Variants in ERBB4 observed in about 807,000 individuals in gnomAD.
The protein encoded by ERBB4 is receptor tyrosine-protein kinase erbB-4.
A neutral mutation model predicts 158.0 loss-of-function variants in ERBB4; 42 were observed. The ratio of observed to expected loss-of-function variants is 0.27; its 90% CI spans 0.21 to 0.34. The LOEUF is 0.34. ERBB4 is among the 10% of genes least tolerant of loss of function. The pLI is 1.00. For missense variants in ERBB4, 1,333 were observed against 1,624.1 expected (o/e 0.82, Z 3.08); for synonymous variants, 583 against 558.7 (o/e 1.04, Z -0.61).
chr2:212,535,299 T>C (rs1342877426), intron 1 of ERBB4, among the ~76,000 whole-genome samples: 1 of 152,150 alleles, frequency 6.6e-6, no homozygotes, highest in Non-Finnish European at 1.5e-5. Context: ...TAGATGTGCT[T>C]ACAGTAAACA....
At chr2:212,142,790 T>C (rs769896072) in intron 1 of ERBB4, among the ~76,000 whole-genome samples, 1 of 151,822 alleles carries the variant, frequency 6.6e-6, no homozygotes, top group Admixed American at 6.6e-5. Context: ...CATGAAACTG[T>C]CCACCTTTAT....
At chr2:211,716,675 CAAA>C (rs1157945856) in intron 7 of ERBB4, among the ~76,000 whole-genome samples, 1 of 143,228 alleles carries the variant, frequency 7.0e-6, no homozygotes, top group African/African-American at 2.7e-5. Context: ...GACTCCGTCT[CAAA>C]AAACAACAAC....
At chr2:211,579,067 T>C (rs905878497) in intron 19 of ERBB4, among the ~76,000 whole-genome samples, 2 of 152,062 alleles carry the variant, frequency 1.3e-5, no homozygotes, top group Admixed American at 1.3e-4. Flanking sequence ...AAAGGTCGAA[T>C]ATCCAGAATC....
chr2:211,482,550 T>A (rs1167423216), intron 20 of ERBB4, among the ~76,000 whole-genome samples: 2 of 152,190 alleles, frequency 1.3e-5, no homozygotes, highest in Non-Finnish European at 2.9e-5. Flanking sequence ...GTAAGGTATC[T>A]TATCAAAGAT....
At chr2:211,816,540 C>CA (rs34323414) in intron 3 of ERBB4, among the ~76,000 whole-genome samples, 2,237 of 65,324 alleles carry the variant, frequency 0.034, 94 homozygotes, top group African/African-American at 0.069. Flanking sequence ...GAGCCCGTCT[C>CA]AAAAAAAAAA....
At chr2:212,296,980 C>T (rs2086437355) in intron 1 of ERBB4, among the ~76,000 whole-genome samples, 1 of 151,900 alleles carries the variant, frequency 6.6e-6, no homozygotes, top group Non-Finnish European at 1.5e-5. Context: ...ACTAATCCTT[C>T]TTCACTGTCC....
chr2:211,820,444 A>G (rs1441415434), intron 3 of ERBB4, among the ~76,000 whole-genome samples: 1 of 151,922 alleles, frequency 6.6e-6, no homozygotes, highest in Non-Finnish European at 1.5e-5. Flanking sequence ...TTAATAAAAT[A>G]TCTCCCAACA....
chr2:211,913,732 C>T (rs923990303), intron 3 of ERBB4, among the ~76,000 whole-genome samples: 16 of 150,566 alleles, frequency 1.1e-4, no homozygotes, highest in African/African-American at 3.2e-4. Context: ...TAGTGTCTAT[C>T]ACGTATGGGC....
intron 2 of ERBB4, among the ~76,000 whole-genome samples, chr2:211,966,868 C>T (rs996397412): frequency 6.6e-6 from 1 of 152,066 alleles, no homozygotes; most frequent in Admixed American, 6.6e-5. Context: ...AGTGTCATTA[C>T]TACCCAAGTT....
chr2:211,653,522 T>C (rs2071088913), intron 16 of ERBB4, among the ~76,000 whole-genome samples: 1 of 115,738 alleles, frequency 8.6e-6, no homozygotes, highest in Admixed American at 1.3e-4. Context: ...CAGAATACAA[T>C]ATAATGGGGT....
At chr2:211,957,601 G>C (rs187827242) in intron 2 of ERBB4, among the ~76,000 whole-genome samples, 2 of 152,016 alleles carry the variant, frequency 1.3e-5, no homozygotes, top group Admixed American at 1.3e-4. Flanking sequence ...GGGATGTTAA[G>C]GTCTCCAAAT....
chr2:212,503,069 T>A (rs1343417810), intron 1 of ERBB4, among the ~76,000 whole-genome samples: 1 of 152,188 alleles, frequency 6.6e-6, no homozygotes, highest in Non-Finnish European at 1.5e-5. Context: ...TTTCCCCCAT[T>A]TGGCCTCAGA....
intron 3 of ERBB4, among the ~76,000 whole-genome samples, chr2:211,841,019 A>C (rs1364131096): frequency 6.6e-6 from 1 of 152,090 alleles, no homozygotes. Flanking sequence ...AGATTAGTCA[A>C]TTCTGTTATA....
intron 1 of ERBB4, among the ~76,000 whole-genome samples, chr2:212,461,234 C>T (rs978936783): frequency 6.6e-6 from 1 of 152,142 alleles, no homozygotes; most frequent in East Asian, 1.9e-4. Flanking sequence ...ACGGCTTGCA[C>T]CATGTGCCTG....
chr2:211,861,129 T>TA lies in ERBB4; in HGVS notation c.422-72971dup, dbSNP rs1482496269. Among the ~76,000 whole-genome samples the TA allele has an allele frequency of 8.7e-3, 229 of 26,448 alleles. 14 individuals carry two copies. Among genetic ancestry groups the TA allele is most frequent in the Non-Finnish European group, 0.015 (193 of 13,090 alleles). The allele number at this position is 26,448 out of a possible 152,430, so 17.4% of individuals were successfully genotyped here. A position where few individuals can be genotyped will look rare whatever the true frequency, so the allele number is the denominator to read the frequency against. On this transcript the variant is annotated intron_variant, in intron 3 of 27. Coordinates refer to ENST00000342788, the MANE Select transcript of ERBB4 (RefSeq NM_005235.3). ...TATATATTTATATATATATTTTATATATATATATATATATATATATATATA... is the reference window on the plus strand; with the variant it reads ...TATATATTTATATATATATTTTATATAATATATATATATATATATATATATA...
At chr2:211,779,913 G>A (rs569214285) in intron 4 of ERBB4, 1 of 152,138 alleles carries the variant, frequency 6.6e-6, no homozygotes, top group East Asian at 1.9e-4. Flanking sequence ...ATGTCTCAAT[G>A]GCTCATCCAG....
At chr2:212,053,386 C>G (rs2077457592) in intron 2 of ERBB4, among the ~76,000 whole-genome samples, 1 of 152,132 alleles carries the variant, frequency 6.6e-6, no homozygotes, top group South Asian at 2.1e-4. Flanking sequence ...AATGTTCCAC[C>G]TGGACACATC....
chr2:212,237,970 C>A (rs1031821278), intron 1 of ERBB4, among the ~76,000 whole-genome samples: 4 of 152,208 alleles, frequency 2.6e-5, no homozygotes, highest in African/African-American at 7.2e-5. Context: ...GACTGCTGTG[C>A]TGGCAGCATG....
At chr2:211,632,129 G>T (rs959933350) in intron 16 of ERBB4, among the ~76,000 whole-genome samples, 13 of 151,918 alleles carry the variant, frequency 8.6e-5, no homozygotes, top group African/African-American at 2.2e-4. Context: ...ACAGCTCAAA[G>T]TACTATAGTA....
Sources: gnomAD v4.1 joint callset for allele counts (sites outside exome capture counted in the v4.1 genomes callset) on GRCh38, gnomAD v4.1.1 for gene constraint, MANE v1.5 for transcripts, NCBI Gene and HGNC (gene_info 2026-07-23, HGNC 2026-07-21) for gene names.